Variants in DACH2 observed in about 807,000 individuals in gnomAD.
DACH2 encodes dachshund family transcription factor 2.
In DACH2, 17 loss-of-function variants were observed where a neutral mutation model predicts 35.8. That is an observed-to-expected ratio of 0.48 (90% confidence interval 0.33 to 0.71). The LOEUF (loss-of-function observed/expected upper bound fraction) is 0.71. Ranked by LOEUF, DACH2 falls within the 30% of genes least tolerant of loss-of-function variation. The pLI is 0.02. For missense variants in DACH2, 469 were observed against 472.7 expected, an observed-to-expected ratio of 0.99 and a Z score of 0.07; for synonymous variants, 195 against 177.3, an observed-to-expected ratio of 1.10 and a Z score of -0.79.
intron 1 of DACH2, among the ~76,000 whole-genome samples, chrX:86,233,956 T>C: frequency 8.9e-6 from 1 of 111,946 alleles, no homozygotes; most frequent in South Asian, 3.7e-4. Context: ...GGGAGTACAA[T>C]TCAAGATGAG....
At chrX:86,476,029 C>G (rs1264137680) in intron 2 of DACH2, among the ~76,000 whole-genome samples, 1 of 112,286 alleles carries the variant, frequency 8.9e-6, no homozygotes, top group Non-Finnish European at 1.9e-5. Context: ...ATAAATCCCA[C>G]TTTGTCATGA....
intron 4 of DACH2, among the ~76,000 whole-genome samples, chrX:86,656,334 A>G (rs969479037): frequency 1.8e-5 from 2 of 110,938 alleles, no homozygotes; most frequent in African/African-American, 6.5e-5. Flanking sequence ...TTAGAGTCCT[A>G]AGTAACTTCA....
At chrX:86,748,336 T>C (rs1229686181) in intron 7 of DACH2, among the ~76,000 whole-genome samples, 1 of 112,342 alleles carries the variant, frequency 8.9e-6, no homozygotes, top group Non-Finnish European at 1.9e-5. Context: ...TAGAGTAATC[T>C]CTATATATGG....
intron 3 of DACH2, among the ~76,000 whole-genome samples, chrX:86,606,324 A>G (rs1468161135): frequency 2.8e-5 from 3 of 108,922 alleles, no homozygotes; most frequent in Admixed American, 9.8e-5. Context: ...AAGTACTTAT[A>G]GCTGTAAACT....
At chrX:86,186,907 A>G (rs1383179961) in intron 1 of DACH2, among the ~76,000 whole-genome samples, 1 of 111,840 alleles carries the variant, frequency 8.9e-6, no homozygotes, top group Non-Finnish European at 1.9e-5. Flanking sequence ...GGTTGGTACT[A>G]TTTCATTTTG....
chrX:86,549,430 T>C (rs1018093051), intron 3 of DACH2, among the ~76,000 whole-genome samples: 3 of 111,379 alleles, frequency 2.7e-5, no homozygotes, highest in African/African-American at 9.8e-5. Flanking sequence ...TTCATAGAAC[T>C]CTAGTAACAT....
At chrX:86,497,704 A>T (rs1169183842) in intron 2 of DACH2, among the ~76,000 whole-genome samples, 1 of 112,008 alleles carries the variant, frequency 8.9e-6, no homozygotes, top group Non-Finnish European at 1.9e-5. Context: ...GTAGAAGTCA[A>T]TTATACTGGC....
chrX:86,698,161 T>C (rs2041088976), intron 5 of DACH2, among the ~76,000 whole-genome samples: 1 of 109,972 alleles, frequency 9.1e-6, no homozygotes, highest in South Asian at 3.8e-4. Flanking sequence ...AGGAAGAGAG[T>C]AGAATGAAAT....
At chrX:86,600,365 C>T (rs371990206) in intron 3 of DACH2, among the ~76,000 whole-genome samples, 7 of 112,147 alleles carry the variant, frequency 6.2e-5, no homozygotes, top group East Asian at 2.8e-4. Context: ...TAATTTTGAA[C>T]TATATGCTGT....
intron 2 of DACH2, among the ~76,000 whole-genome samples, chrX:86,428,885 A>C (rs1424148480): frequency 9.0e-6 from 1 of 111,385 alleles, no homozygotes; most frequent in African/African-American, 3.3e-5. Context: ...TATAATTTGA[A>C]GATAATACTA....
intron 7 of DACH2, among the ~76,000 whole-genome samples, chrX:86,747,066 T>G (rs1487401878): frequency 8.9e-6 from 1 of 111,943 alleles, no homozygotes; most frequent in Non-Finnish European, 1.9e-5. Flanking sequence ...TCTATTCTTT[T>G]GCCAATATCA....
intron 4 of DACH2, among the ~76,000 whole-genome samples, chrX:86,694,698 G>A (rs1161441301): frequency 8.9e-6 from 1 of 111,846 alleles, no homozygotes; most frequent in East Asian, 2.8e-4. Flanking sequence ...TAAAGGTTTA[G>A]AATACAAGGC....
chrX:86,555,249 T>C (rs1162910991), intron 3 of DACH2, among the ~76,000 whole-genome samples: 1 of 112,073 alleles, frequency 8.9e-6, no homozygotes, highest in Non-Finnish European at 1.9e-5. Flanking sequence ...TTATTATTTG[T>C]AATTCTTGGA....
intron 3 of DACH2, among the ~76,000 whole-genome samples, chrX:86,546,662 G>A (rs182134863): frequency 0.01 from 1,096 of 105,407 alleles, 10 homozygotes; most frequent in Non-Finnish European, 0.014. Flanking sequence ...TTACAGGCGC[G>A]TGCCACCAAC....
At chrX:86,549,332 A>G (rs12392368) in intron 3 of DACH2, among the ~76,000 whole-genome samples, 15,499 of 110,797 alleles carry the variant, frequency 0.14, 938 homozygotes, top group East Asian at 0.24. Context: ...TTTTCCCTTG[A>G]GACAGCACAG....
intron 1 of DACH2, among the ~76,000 whole-genome samples, chrX:86,187,167 G>A (rs2031706152): frequency 9.0e-6 from 1 of 111,347 alleles, no homozygotes; most frequent in African/African-American, 3.3e-5. Context: ...TATGAGTGGA[G>A]TGAGATAGAT....
chrX:86,733,584 A>T (rs1749038934), intron 6 of DACH2, among the ~76,000 whole-genome samples: 1 of 112,034 alleles, frequency 8.9e-6, no homozygotes, highest in Non-Finnish European at 1.9e-5. Flanking sequence ...CTGGTATGGA[A>T]TTCTATTCCC....
intron 3 of DACH2, among the ~76,000 whole-genome samples, chrX:86,601,366 A>G (rs929634495): frequency 1.8e-5 from 2 of 112,026 alleles, no homozygotes; most frequent in African/African-American, 6.5e-5. Context: ...AGTTACAGTA[A>G]AGAAAAATGC....
At chrX:86,537,275 G>C (rs2038816156) in intron 3 of DACH2, among the ~76,000 whole-genome samples, 1 of 111,159 alleles carries the variant, frequency 9.0e-6, no homozygotes, top group Admixed American at 9.6e-5. Context: ...GTGACCCTAA[G>C]CAGGGATTCC....
Sources: gnomAD v4.1 joint callset for allele counts (sites outside exome capture counted in the v4.1 genomes callset) on GRCh38, gnomAD v4.1.1 for gene constraint, MANE v1.5 for transcripts, NCBI Gene and HGNC (gene_info 2026-07-23, HGNC 2026-07-21) for gene names.